Variants in NRG3 observed in about 807,000 individuals in gnomAD.
The protein encoded by NRG3 is pro-neuregulin-3, membrane-bound isoform.
NRG3 carries 31 observed loss-of-function variants against 66.9 expected under a neutral mutation model. The observed-to-expected ratio is 0.46, with a 90% CI of 0.35 to 0.63. NRG3 has a LOEUF of 0.63. Among genes scored for constraint, NRG3 ranks in the 20% least tolerant of loss-of-function variants. NRG3 has a pLI of 0.00. For synonymous variants in NRG3, 393 were observed against 359.4 expected (o/e 1.09, Z -1.06); for missense variants, 910 against 878.9 (o/e 1.04, Z -0.45).
chr10:82,429,555 G>T (rs1428854520), intron 2 of NRG3, among the ~76,000 whole-genome samples: 1 of 151,898 alleles, frequency 6.6e-6, no homozygotes, highest in Admixed American at 6.6e-5. Flanking sequence ...TTTGCATTCA[G>T]TCTTTGACCT....
intron 2 of NRG3, among the ~76,000 whole-genome samples, chr10:82,537,163 G>T (rs567020295): frequency 6.6e-6 from 1 of 151,956 alleles, no homozygotes; most frequent in African/African-American, 2.4e-5. Context: ...TGGTCTGTAA[G>T]CTACACTTGC....
intron 1 of NRG3, among the ~76,000 whole-genome samples, chr10:81,888,980 T>G (rs1159301532): frequency 6.6e-6 from 1 of 152,228 alleles, no homozygotes; most frequent in Non-Finnish European, 1.5e-5. Flanking sequence ...TTCATTCCAA[T>G]GCCTCTTCAA....
intron 1 of NRG3, among the ~76,000 whole-genome samples, chr10:82,194,127 G>A (rs1224631860): frequency 1.3e-5 from 2 of 152,174 alleles, no homozygotes; most frequent in African/African-American, 4.8e-5. Flanking sequence ...AAGCAAAGCT[G>A]TGGTCTTTCC....
intron 1 of NRG3, among the ~76,000 whole-genome samples, chr10:82,239,352 C>T (rs1406178304): frequency 3.9e-5 from 6 of 152,038 alleles, no homozygotes; most frequent in Middle Eastern, 3.2e-3. Context: ...GATGGGGTTC[C>T]GCCATGTTGG....
At chr10:82,185,731 T>G (rs1442850741) in intron 1 of NRG3, among the ~76,000 whole-genome samples, 2 of 152,196 alleles carry the variant, frequency 1.3e-5, no homozygotes, top group Non-Finnish European at 2.9e-5. Context: ...GTCTCATTAC[T>G]GAACATTACT....
chr10:82,565,078 G>C (rs1459612035), intron 2 of NRG3, among the ~76,000 whole-genome samples: 2 of 152,016 alleles, frequency 1.3e-5, no homozygotes, highest in African/African-American at 4.8e-5. Context: ...GAAGTGGAAG[G>C]GCATTCCCCG....
chr10:82,128,530 C>T (rs768107341), intron 1 of NRG3, among the ~76,000 whole-genome samples: 4 of 151,920 alleles, frequency 2.6e-5, no homozygotes, highest in Non-Finnish European at 5.9e-5. Flanking sequence ...ATGCCTTTTG[C>T]ATTTGTTGTG....
rs555278247 is a variant in NRG3 at position 81,903,996 on chromosome 10, A to AT, written c.823+27845dup. Among the ~76,000 whole-genome samples, 309 of 91,974 alleles carry AT rather than the reference A, an allele frequency of 3.4e-3. 2 individuals are homozygous for AT. Among genetic ancestry groups the AT allele is most frequent in the Non-Finnish European group, 4.7e-3 (227 of 48,438 alleles). The allele number at this position is 91,974 out of a possible 152,430, so 60.3% of individuals were successfully genotyped here. On this transcript the variant is annotated intron_variant, in intron 1 of 8. Transcript: ENST00000372141. ...TGTGTATATATATATATATATATATATTTTTTTTTTTTGTTTGTTTGTTTG... is the reference window on the plus strand; with the variant it reads ...TGTGTATATATATATATATATATATATTTTTTTTTTTTTGTTTGTTTGTTTG...
chr10:82,623,543 GA>G (rs2049188900), intron 2 of NRG3, among the ~76,000 whole-genome samples: 1 of 152,084 alleles, frequency 6.6e-6, no homozygotes, highest in Non-Finnish European at 1.5e-5. Context: ...GGACTTCAGG[GA>G]TAGTTACATG....
intron 2 of NRG3, among the ~76,000 whole-genome samples, chr10:82,369,041 C>T (rs1190889126): frequency 7.2e-6 from 1 of 138,666 alleles, no homozygotes; most frequent in Non-Finnish European, 1.5e-5. Context: ...CATCAGGCAG[C>T]ACTTCTGGGT....
chr10:82,718,142 G>A (rs915349), intron 2 of NRG3, among the ~76,000 whole-genome samples: 96,663 of 152,054 alleles, frequency 0.64, 31,407 homozygotes, highest in African/African-American at 0.75. Context: ...CTCCTATCTG[G>A]TACACCCACT....
chr10:82,097,369 TACACAC>T (rs60288660), intron 1 of NRG3, among the ~76,000 whole-genome samples: 2,185 of 141,018 alleles, frequency 0.015, 53 homozygotes, highest in African/African-American at 0.054. Flanking sequence ...TCCAGATGGT[TACACAC>T]ACACACACAC....
At chr10:82,791,318 T>TG (rs200753399) in intron 3 of NRG3, among the ~76,000 whole-genome samples, 4 of 152,084 alleles carry the variant, frequency 2.6e-5, no homozygotes, top group African/African-American at 9.7e-5. Flanking sequence ...TTGGTTTTTT[T>TG]TTCATTTTTG....
intron 1 of NRG3, among the ~76,000 whole-genome samples, chr10:82,119,100 TTAAA>T (rs1301487716): frequency 6.6e-6 from 1 of 152,212 alleles, no homozygotes; most frequent in African/African-American, 2.4e-5. Context: ...TGTGCAATAC[TTAAA>T]TAAATGTAAC....
rs143560453 is a variant in NRG3 at position 81,993,167 on chromosome 10, C to A, written c.823+117004C>A. Reference sequence around the variant, plus strand: ...TAATTTTTCAGTTCTGTGCATTTAACAATAGAAAGTTTAAAACGAGCCATC... The same window carrying A: ...TAATTTTTCAGTTCTGTGCATTTAAAAATAGAAAGTTTAAAACGAGCCATC... On this transcript the variant is annotated intron_variant, in intron 1 of 8. Coordinates refer to ENST00000372141, the MANE Select transcript of NRG3 (RefSeq NM_001010848.4). Among the ~76,000 whole-genome samples the A allele has an allele frequency of 2.1e-3, 327 of 152,128 alleles. 1 individual carries two copies. Among genetic ancestry groups the A allele is most frequent in the African/African-American group, 6.9e-3 (286 of 41,510 alleles).
chr10:82,153,246 T>C (rs2070916059), intron 1 of NRG3, among the ~76,000 whole-genome samples: 1 of 152,100 alleles, frequency 6.6e-6, no homozygotes, highest in South Asian at 2.1e-4. Context: ...CACTGTACTC[T>C]CTGCTTCTAT....
At chr10:82,715,851 G>T (rs2056940494) in intron 2 of NRG3, among the ~76,000 whole-genome samples, 1 of 152,098 alleles carries the variant, frequency 6.6e-6, no homozygotes, top group African/African-American at 2.4e-5. Flanking sequence ...GGTTGTACCT[G>T]TTGAGGGGCC....
At chr10:82,959,670 T>TA (rs1043696771) in intron 6 of NRG3, among the ~76,000 whole-genome samples, 13 of 152,150 alleles carry the variant, frequency 8.5e-5, no homozygotes, top group Non-Finnish European at 1.3e-4. Flanking sequence ...CATGGAATCC[T>TA]AAAAATGCAT....
At chr10:82,849,702 C>T (rs2063475908) in intron 3 of NRG3, among the ~76,000 whole-genome samples, 1 of 152,084 alleles carries the variant, frequency 6.6e-6, no homozygotes, top group African/African-American at 2.4e-5. Flanking sequence ...CAGCCCATGG[C>T]TCTGAGGAAG....
Sources: allele counts gnomAD v4.1 joint callset (sites outside exome capture counted in the v4.1 genomes callset), GRCh38; gene constraint gnomAD v4.1.1; transcripts MANE v1.5; gene names NCBI Gene and HGNC (gene_info 2026-07-23, HGNC 2026-07-21).